The following PPP1R37 variants were observed in gnomAD, a reference collection of about 807,000 sequenced individuals.
PPP1R37 encodes protein phosphatase 1 regulatory subunit 37, also known as leucine rich repeat containing 68.
In PPP1R37, 21 loss-of-function variants were observed where a neutral mutation model predicts 61.0. That is an observed-to-expected ratio of 0.34 (90% CI 0.24 to 0.50). The LOEUF (loss-of-function observed/expected upper bound fraction) is 0.50, where lower values mean the gene tolerates loss of function less well. PPP1R37 is among the 20% of genes least tolerant of loss of function. The pLI is 0.98. For synonymous variants in PPP1R37, 443 were observed against 433.5 expected (o/e 1.02, Z -0.27); for missense variants, 910 against 952.7 (o/e 0.96, Z 0.59).
intron 1 of PPP1R37, among the ~76,000 whole-genome samples, chr19:45,137,472 T>C (rs1162083282): frequency 6.6e-6 from 1 of 152,232 alleles, no homozygotes; most frequent in Non-Finnish European, 1.5e-5. Context: ...TGGTGGCGGC[T>C]GTGGCCCTCC....
At chr19:45,109,445 G>A (rs896737592) in intron 1 of PPP1R37, among the ~76,000 whole-genome samples, 15 of 152,118 alleles carry the variant, frequency 9.9e-5, no homozygotes, top group Admixed American at 4.6e-4. Context: ...GTGGAGGCCC[G>A]GCCTGGGAAA....
Position 45,109,872 on chromosome 19 carries a change from G to A in PPP1R37, c.202+16345G>A, listed in dbSNP as rs1840930042. On this transcript the variant is annotated intron_variant, in intron 1 of 12. Transcript: ENST00000221462. ...TCGCCCACCTGCATCTGCAGCCTCA[G>A]CTCTGCTCCCCCTCTGCCCTGTTGG... Among the ~76,000 whole-genome samples the A allele has an allele frequency of 4.6e-5, 7 of 152,208 alleles. No individual in the cohort carries two copies. In the South Asian group the frequency reaches 1.5e-3, roughly 32 times the overall value.
intron 1 of PPP1R37, among the ~76,000 whole-genome samples, chr19:45,120,381 T>C (rs111774678): frequency 0.086 from 13,081 of 152,140 alleles, 815 homozygotes; most frequent in Non-Finnish European, 0.13. Context: ...GCTTTTTTCA[T>C]TTGTGTCTTG....
At chr19:45,132,014 C>T (rs1458929759) in intron 1 of PPP1R37, among the ~76,000 whole-genome samples, 1 of 152,198 alleles carries the variant, frequency 6.6e-6, no homozygotes, top group Admixed American at 6.5e-5. Flanking sequence ...TTATTCCAAG[C>T]CGTTACCTCT....
At position 45,128,857 on chromosome 19, in the gene PPP1R37, G is replaced by A. The variant is rs1968441697; in HGVS notation, c.203-9657G>A. The A allele has an allele frequency of 4.7e-6, 3 of 632,860 alleles. No individual in the cohort carries two copies. In the Admixed American group the frequency reaches 6.1e-5, roughly 13 times the overall value. 39.2% of individuals were successfully genotyped at this position (632,860 alleles called of 1,614,324 possible). A position where few individuals can be genotyped will look rare whatever the true frequency, so the allele number is the denominator to read the frequency against. On this transcript the variant is annotated intron_variant, in intron 1 of 12. Coordinates refer to ENST00000221462, the MANE Select transcript of PPP1R37 (RefSeq NM_019121.2). ...TCCCAGTTGATTGGCATCCAGGAAG[G>A]TACCCCTCACTGCTCCAGGACAGCA...
intron 4 of PPP1R37, 156 bp downstream of exon 4, chr19:45,140,762 T>C: frequency 1.6e-6 from 1 of 618,024 alleles, no homozygotes; most frequent in Admixed American, 2.7e-5. Context: ...GAGGGAGACA[T>C]CCAATATGAC....
At chr19:45,142,540 A>G (rs1968628099) in intron 7 of PPP1R37, 82 bp downstream of exon 7, 2 of 1,403,588 alleles carry the variant, frequency 1.4e-6, no homozygotes, top group East Asian at 5.0e-5. Context: ...TGCTGGGGAC[A>G]CAGACATGGC....
intron 4 of PPP1R37, 93 bp downstream of exon 4, chr19:45,140,699 C>T (rs116863911): frequency 0.061 from 57,030 of 940,970 alleles, 2,350 homozygotes; most frequent in Admixed American, 0.15. Flanking sequence ...AGGAGGGGGT[C>T]CCCTAGACAA....
At chr19:45,113,095 G>A (rs960010809) in intron 1 of PPP1R37, among the ~76,000 whole-genome samples, 1 of 152,208 alleles carries the variant, frequency 6.6e-6, no homozygotes, top group African/African-American at 2.4e-5. Flanking sequence ...CTTCCATAGT[G>A]TGCAGGGCTG....
At chr19:45,139,849 A>C (rs977948753) in intron 2 of PPP1R37, among the ~76,000 whole-genome samples, 1 of 152,230 alleles carries the variant, frequency 6.6e-6, no homozygotes, top group Non-Finnish European at 1.5e-5. Flanking sequence ...GCCTTCACCA[A>C]GAAGCCTCCT....
chr19:45,129,972 G>T (rs1968455923), intron 1 of PPP1R37, among the ~76,000 whole-genome samples: 7 of 152,228 alleles, frequency 4.6e-5, no homozygotes, highest in Admixed American at 4.6e-4. Context: ...TGTGAGCCTT[G>T]ACTCTGAAAA....
At chr19:45,097,371 G>A (rs1402558225) in intron 1 of PPP1R37, among the ~76,000 whole-genome samples, 3 of 152,024 alleles carry the variant, frequency 2.0e-5, no homozygotes, top group African/African-American at 7.2e-5. Flanking sequence ...CCGTGCTAGA[G>A]ATGGAGCGCT....
intron 1 of PPP1R37, among the ~76,000 whole-genome samples, chr19:45,124,912 A>T (rs1968384040): frequency 6.6e-6 from 1 of 152,000 alleles, no homozygotes; most frequent in Non-Finnish European, 1.5e-5. Context: ...GCAAGGCTGC[A>T]GTGAGCTATG....
chr19:45,096,513 T>TTA (rs1191912398), intron 1 of PPP1R37, among the ~76,000 whole-genome samples: 7 of 152,232 alleles, frequency 4.6e-5, no homozygotes, highest in African/African-American at 1.7e-4. Flanking sequence ...GCCACATAAA[T>TTA]AGCAGCTGTC....
intron 1 of PPP1R37, among the ~76,000 whole-genome samples, chr19:45,105,617 A>T (rs1374014862): frequency 1.3e-5 from 2 of 152,082 alleles, no homozygotes; most frequent in Non-Finnish European, 2.9e-5. Context: ...CCACCCAGCC[A>T]AGCTTCCATG....
intron 1 of PPP1R37, among the ~76,000 whole-genome samples, chr19:45,101,134 G>A (rs1968057734): frequency 1.3e-5 from 2 of 152,228 alleles, no homozygotes; most frequent in South Asian, 4.1e-4. Context: ...GGCTTCTGAG[G>A]ACTCAGATTA....
At chr19:45,128,223 A>G (rs761034977) in intron 1 of PPP1R37, among the ~76,000 whole-genome samples, 111 of 152,208 alleles carry the variant, frequency 7.3e-4, no homozygotes, top group Non-Finnish European at 1.0e-3. Context: ...TCCTTCTGGA[A>G]GGATCTCTGA....
intron 1 of PPP1R37, among the ~76,000 whole-genome samples, chr19:45,132,080 A>T (rs1317739984): frequency 6.6e-6 from 1 of 152,092 alleles, no homozygotes; most frequent in Admixed American, 6.5e-5. Context: ...ACACCCAAAC[A>T]CATGTGTTTT....
At chr19:45,101,865 C>A (rs1398522123) in intron 1 of PPP1R37, among the ~76,000 whole-genome samples, 5 of 152,228 alleles carry the variant, frequency 3.3e-5, no homozygotes, top group Non-Finnish European at 7.3e-5. Context: ...CTCATATTGG[C>A]TGATAGCTGA....
Sources: gnomAD v4.1 joint callset for allele counts (sites outside exome capture counted in the v4.1 genomes callset) on GRCh38, gnomAD v4.1.1 for gene constraint, MANE v1.5 for transcripts, NCBI Gene and HGNC (gene_info 2026-07-23, HGNC 2026-07-21) for gene names.